Variants in MRC2 observed in about 807,000 individuals in gnomAD.
MRC2 encodes mannose receptor C-type 2, also known as C-type mannose receptor 2.
Under a neutral mutation model 206.2 loss-of-function variants are expected in MRC2, and 84 were observed. That is an observed-to-expected ratio of 0.41 (90% confidence interval 0.34 to 0.49). The LOEUF is 0.49. Among genes scored for constraint, MRC2 ranks in the 20% least tolerant of loss-of-function variants. The pLI is 0.31. For missense variants in MRC2, 1,676 were observed against 2,001.5 expected, an observed-to-expected ratio of 0.84 and a Z score of 3.10; for synonymous variants, 798 against 800.0, an observed-to-expected ratio of 1.00 and a Z score of 0.04.
intron 13 of MRC2, among the ~76,000 whole-genome samples, chr17:62,679,073 G>A (rs895337424): frequency 1.1e-4 from 17 of 152,146 alleles, no homozygotes; most frequent in Non-Finnish European, 2.4e-4. Context: ...GAGAAAGGCC[G>A]CAGCTATGAG....
chr17:62,679,851 C>G lies in MRC2; in HGVS notation c.2247C>G (p.Asn749Lys), dbSNP rs2088938614. The change falls in exon 14 of 30, where the codon AAC becomes AAG. Residue 749 changes from asparagine (N) to lysine (K), a missense_variant. This residue lies in a region of MRC2 where 1,354 missense variants were observed against 1,636.6 expected (regional missense o/e 0.83). Transcript: ENST00000303375. The part of the protein sequence containing the change: ...HEQHWFWIGL[N>K]RRDPRGGQSW... ...AGCACTGGTTCTGGATCGGCCTGAA[C>G]CGTCGGGATCCCAGAGGGGGTCAGA... 1 of 1,613,808 alleles carries G rather than the reference C, an allele frequency of 6.2e-7. No individual in the cohort carries two copies. Among genetic ancestry groups the G allele is most frequent in the African/African-American group, 1.3e-5 (1 of 74,920 alleles).
rs748134416 is a variant in MRC2, at chr17:62,664,655, C to G, written c.226C>G (p.Arg76Gly). 6 of 1,613,816 alleles carry G rather than the reference C, an allele frequency of 3.7e-6. No homozygotes were observed. The highest frequency in any genetic ancestry group is 2.2e-5 in the South Asian group (2 of 91,088). Residue 76 changes from arginine to glycine, a missense_variant, in exon 2 of 30, where the codon CGC becomes GGC. Around this residue, in one of 3 missense-constraint regions of MRC2, gnomAD observed 318 missense variants for 346.7 expected, o/e 0.92. Transcript: ENST00000303375. The surrounding 1 kb of genome is among the most constrained non-coding windows in gnomAD (Gnocchi z 4.7). ...PACNTSLPAQ[R>G]WKWVSRNRLF... ...TTGCAATACCAGCCTCCCTGCCCAG[C>G]GCTGGAAGTGGGTCTCCCGAAACCG...
intron 1 of MRC2, among the ~76,000 whole-genome samples, chr17:62,660,991 T>C (rs1431501439): frequency 6.6e-6 from 1 of 152,216 alleles, no homozygotes; most frequent in Non-Finnish European, 1.5e-5. Context: ...AGAGTAACTG[T>C]GGTCACTTTA....
At chr17:62,643,350 AAAAG>A (rs1269068274) in intron 1 of MRC2, among the ~76,000 whole-genome samples, 12 of 151,596 alleles carry the variant, frequency 7.9e-5, no homozygotes, top group Admixed American at 5.9e-4. Context: ...AAAAAAAAGA[AAAAG>A]AAAAGAAAAA....
chr17:62,673,327 C>T (rs1174894245), intron 8 of MRC2, among the ~76,000 whole-genome samples: 6 of 152,118 alleles, frequency 3.9e-5, no homozygotes, highest in Non-Finnish European at 8.8e-5. Flanking sequence ...TCCTCAGCTT[C>T]ATCAGCTGAG....
Position 62,664,987 on chromosome 17 carries a change from G to C in MRC2, c.520+38G>C. On this transcript the variant is annotated intron_variant, in intron 2 of 29. Coordinates refer to ENST00000303375, the MANE Select transcript of MRC2 (RefSeq NM_006039.5). The surrounding 1 kb of genome is among the most constrained non-coding windows in gnomAD (Gnocchi z 4.7). Reference sequence around the variant, plus strand: ...TTGCAGGCGGGAGGGTGGGGTCCCCGATGTCCAGGGGACTGGAGCCATGAG... The same window carrying C: ...TTGCAGGCGGGAGGGTGGGGTCCCCCATGTCCAGGGGACTGGAGCCATGAG... 6.4e-7 allele frequency: 1 copy of C among 1,559,952 alleles called. No homozygotes were observed.
chr17:62,649,301 A>G (rs1371536403), intron 1 of MRC2, among the ~76,000 whole-genome samples: 1 of 152,240 alleles, frequency 6.6e-6, no homozygotes, highest in Non-Finnish European at 1.5e-5. Context: ...TTGACTTTAA[A>G]GAGTGCCATT....
At chr17:62,677,223 C>A in intron 11 of MRC2, 46 bp from the exon 12 acceptor site, 1 of 1,479,548 alleles carries the variant, frequency 6.8e-7, no homozygotes, top group South Asian at 1.3e-5. Flanking sequence ...GAGGACCAGA[C>A]TATGAATCCT....
chr17:62,673,533 G>C (rs1231498117), intron 8 of MRC2, among the ~76,000 whole-genome samples: 1 of 146,146 alleles, frequency 6.8e-6, no homozygotes, highest in Non-Finnish European at 1.5e-5. Context: ...TTTTGAGATG[G>C]AGTTTCACCC....
Position 62,690,304 on chromosome 17 carries a change from A to T in MRC2, c.3891A>T (p.Arg1297Ser). Residue 1297 changes from arginine to serine, a missense_variant and splice_region_variant, in exon 26 of 30, where the codon AGA (arginine) becomes AGT (serine). Physicochemically the swap from Arg to Ser is moderately radical, Grantham distance 110. This residue lies in a region of MRC2 where 1,354 missense variants were observed against 1,636.6 expected (regional missense o/e 0.83). Transcript: ENST00000303375. ...AGGAGGCGCGACAGCGCTGCCAGAGAGGTGGGTGACCAGGCCAGAGCCCAC... is the reference window on the plus strand; with the variant it reads ...AGGAGGCGCGACAGCGCTGCCAGAGTGGTGGGTGACCAGGCCAGAGCCCAC... ...GHKEARQRCQRAGGAVLSILD... is the reference protein window; with the variant it reads ...GHKEARQRCQSAGGAVLSILD... The T allele has an allele frequency of 6.2e-7, 1 of 1,609,360 alleles. No homozygotes were observed. The highest frequency in any genetic ancestry group is 8.5e-7 in the Non-Finnish European group (1 of 1,177,512).
intron 1 of MRC2, chr17:62,661,524 CTT>C (rs2088679985): frequency 6.8e-6 from 1 of 146,474 alleles, no homozygotes; most frequent in African/African-American, 2.5e-5. Flanking sequence ...TTCTTTCTTT[CTT>C]TCTCTTTCTT....
intron 1 of MRC2, among the ~76,000 whole-genome samples, chr17:62,643,484 A>T (rs1439664004): frequency 6.6e-6 from 1 of 152,288 alleles, no homozygotes; most frequent in East Asian, 1.9e-4. Context: ...AAAATTTAGA[A>T]AGAACAACAA....
At chr17:62,689,363 A>C in intron 23 of MRC2, 159 bp from the exon 24 acceptor site, 1 of 599,004 alleles carries the variant, frequency 1.7e-6, no homozygotes, top group African/African-American at 1.9e-5. Context: ...TATTATTAAT[A>C]ACAACAGGGC....
intron 1 of MRC2, among the ~76,000 whole-genome samples, chr17:62,632,512 G>T (rs1266684223): frequency 6.6e-6 from 1 of 152,140 alleles, no homozygotes; most frequent in Non-Finnish European, 1.5e-5. Context: ...CTTCTTCCTA[G>T]TTTCCCCGGC....
At position 62,675,115 on chromosome 17, in the gene MRC2, T is replaced by C. The variant is rs2088875190; in HGVS notation, c.1570-675T>C. 6.6e-6 allele frequency among the ~76,000 whole-genome samples: 1 copy of C among 150,738 alleles called. No homozygotes were observed. Among genetic ancestry groups the C allele is most frequent in the Non-Finnish European group, 1.5e-5 (1 of 67,642 alleles). ...GGCTGCGAAGAGGTGAAGGGAGGAG[T>C]AGAGAGGAATTACCAACTTCTCTGG... On this transcript the variant is annotated intron_variant, in intron 9 of 29. Transcript: ENST00000303375. This position sits in a 1 kb window ranked among gnomAD's most constrained non-coding sequence, Gnocchi z 4.1.
chr17:62,680,333 C>A lies in MRC2; in HGVS notation c.2437+25C>A. Reference sequence around the variant, plus strand: ...GGTTGGCCGGAGTGGCGCTGGGGGACGCGGGATGGAGCGAAGGGTGGCGGG... The same window carrying A: ...GGTTGGCCGGAGTGGCGCTGGGGGAAGCGGGATGGAGCGAAGGGTGGCGGG... On this transcript the variant is annotated intron_variant, in intron 15 of 29. Transcript: ENST00000303375. This position sits in a 1 kb window ranked among gnomAD's most constrained non-coding sequence, Gnocchi z 4.8. The A allele has an allele frequency of 6.2e-7, 1 of 1,613,416 alleles. No homozygotes were observed. The highest frequency in any genetic ancestry group is 8.5e-7 in the Non-Finnish European group (1 of 1,179,626).
chr17:62,647,136 T>G (rs892152452), intron 1 of MRC2, among the ~76,000 whole-genome samples: 17 of 152,032 alleles, frequency 1.1e-4, no homozygotes, highest in Non-Finnish European at 2.4e-4. Flanking sequence ...ATTACTTGAT[T>G]TAAAAGAAAA....
intron 28 of MRC2, among the ~76,000 whole-genome samples, chr17:62,691,584 A>C (rs1437782853): frequency 2.0e-5 from 3 of 152,156 alleles, no homozygotes; most frequent in Non-Finnish European, 4.4e-5. Context: ...AGCCTGGCCA[A>C]CATGGTGAAA....
rs191857573 is a variant in MRC2 at position 62,646,149 on chromosome 17, C to T, written c.118+18229C>T. ...ACACCATTCTCCTGCCTCAGCCTCCCAAGTAGCTGGGACTACAGGCGCCTG... is the reference window on the plus strand; with the variant it reads ...ACACCATTCTCCTGCCTCAGCCTCCTAAGTAGCTGGGACTACAGGCGCCTG... On this transcript the variant is annotated intron_variant, in intron 1 of 29. Coordinates refer to ENST00000303375, the MANE Select transcript of MRC2 (RefSeq NM_006039.5). Among the ~76,000 whole-genome samples the T allele has an allele frequency of 2.2e-3, 335 of 151,882 alleles. 1 individual carries two copies. Among genetic ancestry groups the T allele is most frequent in the African/African-American group, 7.6e-3 (316 of 41,412 alleles).
Sources: gnomAD v4.1 joint callset for allele counts (sites outside exome capture counted in the v4.1 genomes callset) on GRCh38, gnomAD v4.1.1 for gene constraint, gnomAD v4.1.1 regional missense constraint, Gnocchi (gnomAD v3.1) non-coding constraint, MANE v1.5 for transcripts, NCBI Gene and HGNC (gene_info 2026-07-23, HGNC 2026-07-21) for gene names.